The following TTC23 variants were observed in gnomAD, a reference collection of about 807,000 sequenced individuals.
The protein encoded by TTC23 is tetratricopeptide repeat protein 23.
A neutral mutation model predicts 55.1 loss-of-function variants in TTC23; 58 were observed. The observed-to-expected ratio is 1.05, with a 90% confidence interval of 0.85 to 1.31. TTC23 has a LOEUF of 1.31. Ranked by LOEUF, TTC23 falls within the 50% of genes most tolerant of loss-of-function variation. The pLI is 0.00. For synonymous variants in TTC23, 203 were observed against 199.9 expected (o/e 1.02, Z -0.13); for missense variants, 516 against 534.4 (o/e 0.97, Z 0.34).
At chr15:99,215,302 A>G (rs2077388198) in intron 8 of TTC23, among the ~76,000 whole-genome samples, 2 of 152,156 alleles carry the variant, frequency 1.3e-5, no homozygotes, top group Admixed American at 1.3e-4. Flanking sequence ...ATACAGGACA[A>G]CACAGCACCA....
At chr15:99,188,027 C>CA (rs1340530980) in intron 9 of TTC23, among the ~76,000 whole-genome samples, 2 of 151,794 alleles carry the variant, frequency 1.3e-5, no homozygotes, top group Non-Finnish European at 2.9e-5. Context: ...TATGTCTGTA[C>CA]AAAAAATTGT....
At chr15:99,189,287 C>T (rs1056718144) in intron 9 of TTC23, among the ~76,000 whole-genome samples, 5 of 151,912 alleles carry the variant, frequency 3.3e-5, no homozygotes, top group African/African-American at 1.2e-4. Flanking sequence ...CAGCAGAATG[C>T]CAACTGATAA....
At position 99,150,237 on chromosome 15, in the gene TTC23, G is replaced by A. The variant is rs2069520131; in HGVS notation, c.1143+5911C>T. Among the ~76,000 whole-genome samples, 3 of 152,280 alleles carry A rather than the reference G, an allele frequency of 2.0e-5. No homozygotes were observed. The South Asian group carries it at 6.2e-4, about 32-fold the overall frequency. ...TCCCTAAAACTGTGGGATGGAAGGA[G>A]GACAAAGAAAACTGAGTCCTCTTGT... is the stretch of plus-strand genomic sequence containing the variant. On this transcript the variant is annotated intron_variant, in intron 12 of 13. Transcript: ENST00000394132.
chr15:99,233,170 G>C (rs1269990295), intron 4 of TTC23, among the ~76,000 whole-genome samples: 2 of 152,172 alleles, frequency 1.3e-5, no homozygotes, highest in South Asian at 4.1e-4. Context: ...TGTATAACAT[G>C]GTGACTACTG....
At chr15:99,218,497 C>A in intron 8 of TTC23, 91 bp downstream of exon 8, 1 of 1,546,420 alleles carries the variant, frequency 6.5e-7, no homozygotes, top group South Asian at 1.2e-5. Context: ...TGGCCGCAGC[C>A]TCATGGAGAT....
intron 4 of TTC23, among the ~76,000 whole-genome samples, chr15:99,232,619 T>G (rs551023292): frequency 6.6e-6 from 1 of 152,312 alleles, no homozygotes; most frequent in South Asian, 2.1e-4. Context: ...ATCTTACACC[T>G]GTTAAAATGG....
At chr15:99,196,406 G>A (rs567794102) in intron 9 of TTC23, among the ~76,000 whole-genome samples, 6 of 152,160 alleles carry the variant, frequency 3.9e-5, no homozygotes, top group African/African-American at 1.4e-4. Context: ...ATTTACCCCT[G>A]GAAATAATTC....
intron 8 of TTC23, among the ~76,000 whole-genome samples, chr15:99,209,548 T>C (rs1242443818): frequency 6.6e-6 from 1 of 152,192 alleles, no homozygotes; most frequent in Admixed American, 6.5e-5. Context: ...GCTTCCTGCC[T>C]GTGTGACCCT....
intron 9 of TTC23, among the ~76,000 whole-genome samples, chr15:99,180,677 C>G (rs1278005449): frequency 6.6e-6 from 1 of 152,172 alleles, no homozygotes; most frequent in African/African-American, 2.4e-5. Flanking sequence ...GTGTGGAATC[C>G]CAGCTCTTGG....
chr15:99,149,840 T>C (rs1456578025), intron 12 of TTC23, among the ~76,000 whole-genome samples: 5 of 152,186 alleles, frequency 3.3e-5, no homozygotes, highest in Non-Finnish European at 2.9e-5. Flanking sequence ...ACCAGTTCAG[T>C]CCCACTGGGA....
chr15:99,166,442 A>T (rs1226684605), intron 10 of TTC23, among the ~76,000 whole-genome samples: 1 of 152,178 alleles, frequency 6.6e-6, no homozygotes, highest in Non-Finnish European at 1.5e-5. Flanking sequence ...TCCTAACCTC[A>T]GACTTACGGA....
At chr15:99,244,182 A>G (rs549873110) in intron 2 of TTC23, among the ~76,000 whole-genome samples, 2 of 152,328 alleles carry the variant, frequency 1.3e-5, no homozygotes, top group Non-Finnish European at 2.9e-5. Context: ...CCTAAAGCTA[A>G]TATCATACTT....
intron 3 of TTC23, among the ~76,000 whole-genome samples, chr15:99,236,248 TC>T (rs2079307698): frequency 6.6e-6 from 1 of 152,164 alleles, no homozygotes; most frequent in African/African-American, 2.4e-5. Flanking sequence ...CATTCTACAT[TC>T]CCACTGGCAG....
chr15:99,221,215 A>T (rs1252722607), intron 6 of TTC23, among the ~76,000 whole-genome samples: 1 of 152,232 alleles, frequency 6.6e-6, no homozygotes, highest in Non-Finnish European at 1.5e-5. Context: ...AGAGCCAAGC[A>T]GTGGGAGAGA....
At chr15:99,224,777 T>C (rs2078250519) in intron 5 of TTC23, among the ~76,000 whole-genome samples, 1 of 152,238 alleles carries the variant, frequency 6.6e-6, no homozygotes, top group African/African-American at 2.4e-5. Flanking sequence ...TTGAACTGAG[T>C]ACAAATTGTG....
At chr15:99,166,414 AACTAATGTG>A (rs1298962072) in intron 10 of TTC23, among the ~76,000 whole-genome samples, 1 of 152,176 alleles carries the variant, frequency 6.6e-6, no homozygotes, top group Admixed American at 6.5e-5. Flanking sequence ...GTTCAGTTCC[AACTAATGTG>A]CAGACGGCTC....
chr15:99,218,833 T>C (rs1056489914), intron 7 of TTC23, 65 bp downstream of exon 7: 3 of 1,595,574 alleles, frequency 1.9e-6, no homozygotes, highest in Non-Finnish European at 2.6e-6. Flanking sequence ...ATCAGCTTTT[T>C]ACTTGGCGTG....
At chr15:99,175,881 G>A (rs2073492505) in intron 9 of TTC23, among the ~76,000 whole-genome samples, 1 of 152,170 alleles carries the variant, frequency 6.6e-6, no homozygotes, top group South Asian at 2.1e-4. Flanking sequence ...TATAGTCCCA[G>A]CTATTTGGAA....
At position 99,226,775 on chromosome 15, in the gene TTC23, T is replaced by C. The variant is rs2078466247; in HGVS notation, c.180+1758A>G. The stretch of plus-strand genomic sequence containing the variant: ...TCTTCCTCAGGTCTCAGCTTATCTG[T>C]CACGTCTTCCTGGAGGCCCTCCCTG... On this transcript the variant is annotated intron_variant, in intron 5 of 13. Transcript: ENST00000394132. Among the ~76,000 whole-genome samples the C allele has an allele frequency of 2.0e-5, 3 of 152,178 alleles. No individual in the cohort carries two copies. In the South Asian group the frequency reaches 6.2e-4, roughly 31 times the overall value.
Sources: gnomAD v4.1 joint callset for allele counts (sites outside exome capture counted in the v4.1 genomes callset) on GRCh38, gnomAD v4.1.1 for gene constraint, MANE v1.5 for transcripts, NCBI Gene and HGNC (gene_info 2026-07-23, HGNC 2026-07-21) for gene names.